The following HDLBP variants were observed in gnomAD, a reference collection of about 807,000 sequenced individuals.
HDLBP encodes vigilin.
A neutral mutation model predicts 137.3 loss-of-function variants in HDLBP; 30 were observed. That is an observed-to-expected ratio of 0.22 (90% CI 0.16 to 0.30). HDLBP has a LOEUF of 0.30. HDLBP is among the 10% of genes least tolerant of loss of function. The pLI, the probability that HDLBP is intolerant of heterozygous loss-of-function variation, is 1.00. For synonymous variants in HDLBP, 606 were observed against 596.0 expected (o/e 1.02, Z -0.24); for missense variants, 1,119 against 1,667.3 (o/e 0.67, Z 5.73).
chr2:241,235,082 C>A, intron 23 of HDLBP, 39 bp downstream of exon 23: 2 of 1,604,996 alleles, frequency 1.2e-6, no homozygotes, highest in Non-Finnish European at 1.7e-6. Flanking sequence ...AAGCTGAGCA[C>A]CATGGCTCTG....
chr2:241,242,095 T>C (rs2149412560), intron 17 of HDLBP, among the ~76,000 whole-genome samples: 1 of 152,324 alleles, frequency 6.6e-6, no homozygotes, highest in East Asian at 1.9e-4. Flanking sequence ...AGCAATTCCA[T>C]GGGCAATCTT....
At chr2:241,246,662 A>G (rs755822968) in intron 16 of HDLBP, 90 bp downstream of exon 16, 102 of 1,304,422 alleles carry the variant, frequency 7.8e-5, no homozygotes, top group Non-Finnish European at 1.0e-4. Context: ...CGCTGGCCCA[A>G]TGACCCTGCG....
At chr2:241,234,470 G>C (rs571148579) in intron 23 of HDLBP, among the ~76,000 whole-genome samples, 1 of 152,194 alleles carries the variant, frequency 6.6e-6, no homozygotes, top group Non-Finnish European at 1.5e-5. Flanking sequence ...ACCATGTGAG[G>C]TTCACGAGCT....
At chr2:241,256,959 C>G (rs2072668084) in intron 5 of HDLBP, among the ~76,000 whole-genome samples, 153 bp from the exon 6 acceptor site, 1 of 152,236 alleles carries the variant, frequency 6.6e-6, no homozygotes, top group Non-Finnish European at 1.5e-5. Context: ...TTAAACATCA[C>G]ATGCTTGGGG....
chr2:241,270,620 G>A (rs986479747), intron 1 of HDLBP, among the ~76,000 whole-genome samples: 3 of 152,158 alleles, frequency 2.0e-5, no homozygotes, highest in African/African-American at 7.2e-5. Flanking sequence ...TCCCAATCCA[G>A]TGAGGCACAG....
Position 241,230,224 on chromosome 2 carries a change from C to T in HDLBP, c.3520G>A (p.Val1174Ile), listed in dbSNP as rs376382320. The T allele has an allele frequency of 8.1e-6, 13 of 1,612,664 alleles. No homozygotes were observed. Among genetic ancestry groups the T allele is most frequent in the East Asian group, 4.5e-5 (2 of 44,862 alleles). ...PQSGAPDPNC[V>I]TVTGLPENVE... ...TTCTCTGGGAGCCCCGTCACAGTGACGCAGTTGGGGTCTGGGGCTCCGCTC... is the reference window on the plus strand; with the variant it reads ...TTCTCTGGGAGCCCCGTCACAGTGATGCAGTTGGGGTCTGGGGCTCCGCTC... Residue 1174 changes from valine (V) to isoleucine (I), a missense_variant, in exon 26 of 28, where the codon GTC (valine) becomes ATC (isoleucine). Transcript: ENST00000310931. The surrounding 1 kb of genome is among the most constrained non-coding windows in gnomAD (Gnocchi z 5.0).
chr2:241,251,259 T>G (rs1195258622), intron 11 of HDLBP, among the ~76,000 whole-genome samples: 2 of 152,166 alleles, frequency 1.3e-5, no homozygotes, highest in African/African-American at 4.8e-5. Flanking sequence ...GTGTCAGGCC[T>G]AAACAAACGC....
intron 16 of HDLBP, among the ~76,000 whole-genome samples, chr2:241,245,421 C>T (rs1226997879): frequency 1.3e-5 from 2 of 152,052 alleles, no homozygotes; most frequent in South Asian, 2.1e-4. Context: ...TCAAGTGATC[C>T]GCCCACCTGA....
In HDLBP at chr2:241,239,595, T is replaced by C; in HGVS notation, c.2610+7A>G. 6.2e-7 allele frequency: 1 copy of C among 1,612,952 alleles called. No individual in the cohort carries two copies. Among genetic ancestry groups the C allele is most frequent in the Non-Finnish European group, 8.5e-7 (1 of 1,178,972 alleles). On this transcript the variant is annotated splice_region_variant and intron_variant, in intron 19 of 27. Coordinates refer to ENST00000310931, the MANE Select transcript of HDLBP (RefSeq NM_005336.6). The surrounding 1 kb of genome is among the most constrained non-coding windows in gnomAD (Gnocchi z 4.6). ...GAGAACCCCTCCCCGAGCACCCAAG[T>C]GCCTACCAGGTCCTCAATGATCTCC...
chr2:241,263,280 G>A (rs1257807400), intron 4 of HDLBP, among the ~76,000 whole-genome samples: 1 of 152,242 alleles, frequency 6.6e-6, no homozygotes, highest in Non-Finnish European at 1.5e-5. Flanking sequence ...CATGTTAAGA[G>A]GTGAGGGAAC....
chr2:241,255,637 T>C (rs935625877), intron 7 of HDLBP, 57 bp from the exon 8 acceptor site: 6 of 1,382,778 alleles, frequency 4.3e-6, no homozygotes, highest in Non-Finnish European at 6.2e-6. Context: ...AGCGGGCAGG[T>C]GGGCATGGCC....
intron 11 of HDLBP, among the ~76,000 whole-genome samples, chr2:241,252,393 T>A (rs2072268381): frequency 6.6e-6 from 1 of 152,140 alleles, no homozygotes; most frequent in African/African-American, 2.4e-5. Context: ...TCCCAGCTAC[T>A]CAGGAGGCTG....
intron 20 of HDLBP, among the ~76,000 whole-genome samples, chr2:241,236,977 T>TGG (rs530665718): frequency 2.8e-5 from 3 of 108,238 alleles, no homozygotes; most frequent in Non-Finnish European, 5.6e-5. Context: ...TCCCAGACCT[T>TGG]GGGGGGGGGG....
rs781269977 is a variant in HDLBP, at chr2:241,239,901, C to T, written c.2391G>A (p.Leu797=). The change falls in exon 18 of 28, where the codon CTG becomes CTA. Residue 797 remains leucine (L), a splice_region_variant and synonymous_variant. Coordinates refer to ENST00000310931, the MANE Select transcript of HDLBP (RefSeq NM_005336.6). The surrounding 1 kb of genome is among the most constrained non-coding windows in gnomAD (Gnocchi z 4.6). The part of the protein sequence containing the change: ...QKELEALIQN[L]DNVVEDSMLV... ...TCGGCCGCCGAGGCCCGCTCCCTAC[C>T]AGGTTTTGGATCAAGGCCTCCAGCT... The T allele has an allele frequency of 2.5e-6, 4 of 1,613,904 alleles. No individual in the cohort carries two copies.
In HDLBP at chr2:241,306,020, A is replaced by G. The variant is rs2075560435; in HGVS notation, c.-103+9550T>C. ...CGTGATCCACCCACCTCAGCCTCCC[A>G]AAGTGCTGGGATGACAGGTGTGAGT... is the stretch of plus-strand genomic sequence containing the variant. On this transcript the variant is annotated intron_variant, in intron 1 of 27. Transcript: ENST00000310931. 2.0e-5 allele frequency among the ~76,000 whole-genome samples: 3 copies of G among 152,094 alleles called. No individual in the cohort carries two copies. The South Asian group carries it at 6.2e-4, about 32-fold the overall frequency.
intron 1 of HDLBP, among the ~76,000 whole-genome samples, chr2:241,303,807 G>A (rs1260612729): frequency 6.6e-6 from 1 of 152,184 alleles, no homozygotes; most frequent in South Asian, 2.1e-4. Context: ...GACAAGTTCA[G>A]AATATTACTT....
In HDLBP at chr2:241,236,620, G is replaced by T. The variant is rs1378599271; in HGVS notation, c.2899C>A (p.Leu967Met). ...KEKCEAAKEA[L>M]EALVPVTIEV... The stretch of plus-strand genomic sequence containing the variant: ...GGGGGCACATGGACACATACCTCCA[G>T]AGCTTCCTTGGCAGCCTCACACTTT... The change falls in exon 21 of 28, where the codon CTG becomes ATG. Residue 967 changes from leucine to methionine, a missense_variant. Coordinates refer to ENST00000310931, the MANE Select transcript of HDLBP (RefSeq NM_005336.6). 6.2e-7 allele frequency: 1 copy of T among 1,613,962 alleles called. No homozygotes were observed. The highest frequency in any genetic ancestry group is 8.5e-7 in the Non-Finnish European group (1 of 1,179,968).
chr2:241,248,494 G>A, intron 12 of HDLBP, 146 bp from the exon 13 acceptor site: 2 of 669,500 alleles, frequency 3.0e-6, no homozygotes, highest in East Asian at 2.7e-5. Context: ...TAGCACCCCG[G>A]GAGCAACCAG....
chr2:241,242,415 G>A (rs1240114356), intron 17 of HDLBP, 45 bp downstream of exon 17: 6 of 1,532,896 alleles, frequency 3.9e-6, no homozygotes, highest in African/African-American at 1.4e-5. Flanking sequence ...ACTGTACTGA[G>A]GACCAGGCTT....
Sources: gnomAD v4.1 joint callset for allele counts (sites outside exome capture counted in the v4.1 genomes callset) on GRCh38, gnomAD v4.1.1 for gene constraint, Gnocchi (gnomAD v3.1) non-coding constraint, MANE v1.5 for transcripts, NCBI Gene and HGNC (gene_info 2026-07-23, HGNC 2026-07-21) for gene names.